The following CTNNA2 variants were observed in gnomAD, a reference collection of about 807,000 sequenced individuals.
The protein encoded by CTNNA2 is catenin alpha 2, also known as catenin alpha-2.
In CTNNA2, 42 loss-of-function variants were observed where a neutral mutation model predicts 101.0. That is an observed-to-expected ratio of 0.42 (90% CI 0.32 to 0.54). The LOEUF (loss-of-function observed/expected upper bound fraction) is 0.54. CTNNA2 is among the 20% of genes least tolerant of loss of function. The probability of loss-of-function intolerance (pLI) is 0.14; values close to 1 mark genes in which losing one functional copy is unlikely to be tolerated. For synonymous variants in CTNNA2, 450 were observed against 456.4 expected (o/e 0.99, Z 0.18); for missense variants, 871 against 1,223.1 (o/e 0.71, Z 4.29).
At chr2:80,247,851 A>T (rs1671447398) in intron 7 of CTNNA2, among the ~76,000 whole-genome samples, 1 of 152,172 alleles carries the variant, frequency 6.6e-6, no homozygotes, top group Non-Finnish European at 1.5e-5. Context: ...AATTAGAGGA[A>T]CTAAATAGAT....
chr2:80,099,316 G>T (rs1700389438), intron 7 of CTNNA2, among the ~76,000 whole-genome samples: 1 of 151,934 alleles, frequency 6.6e-6, no homozygotes, highest in South Asian at 2.1e-4. Flanking sequence ...TGAGATCTTG[G>T]GTTGCATTAA....
intron 15 of CTNNA2, among the ~76,000 whole-genome samples, chr2:80,595,464 C>G (rs1469153466): frequency 6.6e-6 from 1 of 152,044 alleles, no homozygotes. Context: ...CCTTTTAGTT[C>G]TTTAACTTGC....
chr2:79,761,231 C>T (rs1179404833), intron 3 of CTNNA2, among the ~76,000 whole-genome samples: 1 of 152,070 alleles, frequency 6.6e-6, no homozygotes, highest in Non-Finnish European at 1.5e-5. Context: ...TTTAGGTTCA[C>T]ATTTTTTGCC....
chr2:80,624,616 C>T (rs149559022), intron 18 of CTNNA2, among the ~76,000 whole-genome samples: 42 of 152,036 alleles, frequency 2.8e-4, no homozygotes, highest in African/African-American at 6.7e-4. Context: ...TTGCATACAA[C>T]GTATCATTTC....
chr2:79,889,758 A>G (rs1023664248), intron 6 of CTNNA2, among the ~76,000 whole-genome samples: 4 of 152,226 alleles, frequency 2.6e-5, no homozygotes, highest in Non-Finnish European at 5.9e-5. Flanking sequence ...TCAGCTGTGA[A>G]GCTATTCCCT....
intron 3 of CTNNA2, among the ~76,000 whole-genome samples, chr2:79,830,982 C>T (rs993462957): frequency 6.6e-6 from 1 of 152,124 alleles, no homozygotes; most frequent in African/African-American, 2.4e-5. Context: ...TGGTAGCTGG[C>T]TTCTCTAAAT....
intron 9 of CTNNA2, among the ~76,000 whole-genome samples, 192 bp downstream of exon 9, chr2:80,419,793 A>G (rs182336227): frequency 1.2e-3 from 189 of 152,100 alleles, no homozygotes; most frequent in Non-Finnish European, 2.0e-3. Context: ...TCTTTCTTTT[A>G]TCTGTCTCAC....
chr2:80,148,522 C>T (rs1027178198), intron 7 of CTNNA2, among the ~76,000 whole-genome samples: 6 of 152,164 alleles, frequency 3.9e-5, no homozygotes, highest in East Asian at 3.9e-4. Flanking sequence ...GCAATGCACC[C>T]GAGAGAGCAG....
chr2:79,626,644 T>C (rs940524352), intron 1 of CTNNA2, among the ~76,000 whole-genome samples: 6 of 146,764 alleles, frequency 4.1e-5, no homozygotes, highest in Non-Finnish European at 9.2e-5. Flanking sequence ...TGTGTGTGTG[T>C]GTGTGTGTGT....
intron 7 of CTNNA2, among the ~76,000 whole-genome samples, chr2:80,184,350 T>C (rs6761860): frequency 0.23 from 34,689 of 152,032 alleles, 6,209 homozygotes; most frequent in African/African-American, 0.49. Flanking sequence ...ATAATAATAA[T>C]ACTAACATTA....
intron 7 of CTNNA2, among the ~76,000 whole-genome samples, chr2:80,212,851 T>G (rs943835861): frequency 2.6e-5 from 4 of 152,298 alleles, no homozygotes; most frequent in African/African-American, 7.2e-5. Flanking sequence ...CCTGGAATTT[T>G]TTTGGTTGGT....
chr2:79,766,902 C>G (rs772373598), intron 3 of CTNNA2, among the ~76,000 whole-genome samples: 1 of 151,852 alleles, frequency 6.6e-6, no homozygotes, highest in Admixed American at 6.6e-5. Flanking sequence ...ATTATAGACA[C>G]GCGCCACCAT....
intron 2 of CTNNA2, among the ~76,000 whole-genome samples, chr2:79,225,291 C>T (rs529754965): frequency 3.9e-5 from 6 of 152,258 alleles, no homozygotes; most frequent in Admixed American, 3.9e-4. Flanking sequence ...TCCTTGCTAA[C>T]CTTTAGTATT....
At chr2:79,367,974 T>A (rs1677786549) in intron 3 of CTNNA2, among the ~76,000 whole-genome samples, 1 of 152,122 alleles carries the variant, frequency 6.6e-6, no homozygotes. Context: ...AAAGATGAAA[T>A]GCAATACTCC....
intron 7 of CTNNA2, among the ~76,000 whole-genome samples, chr2:80,002,623 G>A (rs1260472763): frequency 6.6e-6 from 1 of 151,972 alleles, no homozygotes; most frequent in African/African-American, 2.4e-5. Flanking sequence ...GTGGGCTGTA[G>A]TGGAGAGAAT....
At chr2:79,219,835 A>G (rs1674318981) in intron 2 of CTNNA2, among the ~76,000 whole-genome samples, 1 of 152,196 alleles carries the variant, frequency 6.6e-6, no homozygotes, top group Non-Finnish European at 1.5e-5. Context: ...TTTGGGATAG[A>G]GACATCCTTT....
intron 4 of CTNNA2, among the ~76,000 whole-genome samples, chr2:79,409,238 AT>A (rs1319608981): frequency 1.3e-5 from 2 of 151,972 alleles, no homozygotes; most frequent in Admixed American, 6.6e-5. Flanking sequence ...ATTTTCTCCC[AT>A]TTTGTAGGTT....
intron 7 of CTNNA2, among the ~76,000 whole-genome samples, chr2:80,282,361 T>A (rs1034864017): frequency 2.0e-5 from 3 of 152,174 alleles, no homozygotes; most frequent in Admixed American, 2.0e-4. Flanking sequence ...TTAGACATGA[T>A]TTTTTGATGG....
intron 3 of CTNNA2, among the ~76,000 whole-genome samples, chr2:79,808,590 T>C (rs757815074): frequency 2.0e-4 from 31 of 152,336 alleles, no homozygotes; most frequent in Non-Finnish European, 3.4e-4. Context: ...TTGTCAATTC[T>C]CTATTCTTTT....
Sources: gnomAD v4.1 joint callset for allele counts (sites outside exome capture counted in the v4.1 genomes callset) on GRCh38, gnomAD v4.1.1 for gene constraint, MANE v1.5 for transcripts, NCBI Gene and HGNC (gene_info 2026-07-23, HGNC 2026-07-21) for gene names.